The following PIK3AP1 variants were observed in gnomAD, a reference collection of about 807,000 sequenced individuals.
PIK3AP1 encodes the protein phosphoinositide 3-kinase adapter protein 1.
Under a neutral mutation model 88.1 loss-of-function variants are expected in PIK3AP1, and 21 were observed. The ratio of observed to expected loss-of-function variants is 0.24; its 90% CI spans 0.17 to 0.34. PIK3AP1 has a LOEUF of 0.34. Among genes scored for constraint, PIK3AP1 ranks in the 10% least tolerant of loss-of-function variants. The pLI is 1.00. For synonymous variants in PIK3AP1, 398 were observed against 400.0 expected, an observed-to-expected ratio of 1.00 and a Z score of 0.06; for missense variants, 828 against 1,035.7, an observed-to-expected ratio of 0.80 and a Z score of 2.75.
Position 96,676,795 on chromosome 10 carries a change from C to G in PIK3AP1, c.431-19861G>C, listed in dbSNP as rs542129762. Among the ~76,000 whole-genome samples, 3 of 152,188 alleles carry G rather than the reference C, an allele frequency of 2.0e-5. No individual in the cohort carries two copies. In the East Asian group the frequency reaches 5.8e-4, roughly 29 times the overall value. ...GTTGTATCTTCCAGAATAATCATCTCCATTCCACAGGGACTTCTTTTCTAG... is the reference window on the plus strand; with the variant it reads ...GTTGTATCTTCCAGAATAATCATCTGCATTCCACAGGGACTTCTTTTCTAG... On this transcript the variant is annotated intron_variant, in intron 2 of 16. Transcript: ENST00000339364.
At chr10:96,634,442 C>T (rs529608626) in intron 8 of PIK3AP1, among the ~76,000 whole-genome samples, 1 of 152,310 alleles carries the variant, frequency 6.6e-6, no homozygotes, top group East Asian at 1.9e-4. Context: ...CAGTGCAGGT[C>T]GGCATCACGA....
intron 8 of PIK3AP1, among the ~76,000 whole-genome samples, chr10:96,628,893 T>TATATAC (rs1564961270): frequency 5.6e-5 from 3 of 53,426 alleles, no homozygotes; most frequent in Non-Finnish European, 1.2e-4. Flanking sequence ...TATATACATA[T>TATATAC]ATATATATAT....
At chr10:96,612,971 T>C (rs1361251933) in intron 13 of PIK3AP1, among the ~76,000 whole-genome samples, 7 of 117,316 alleles carry the variant, frequency 6.0e-5, no homozygotes, top group Admixed American at 4.6e-4. Context: ...TATATATATA[T>C]ATATATATAT....
intron 16 of PIK3AP1, among the ~76,000 whole-genome samples, chr10:96,600,189 C>A (rs1848863512): frequency 6.6e-6 from 1 of 152,220 alleles, no homozygotes; most frequent in Admixed American, 6.5e-5. Flanking sequence ...AGGTTTGCCA[C>A]ACACAGCAAG....
At chr10:96,706,578 A>C (rs991173342) in intron 2 of PIK3AP1, among the ~76,000 whole-genome samples, 1 of 152,360 alleles carries the variant, frequency 6.6e-6, no homozygotes. Context: ...ACAGATTTTT[A>C]GCCTTGGGAA....
At chr10:96,685,508 G>T (rs995123763) in intron 2 of PIK3AP1, among the ~76,000 whole-genome samples, 1 of 152,216 alleles carries the variant, frequency 6.6e-6, no homozygotes, top group African/African-American at 2.4e-5. Flanking sequence ...GAAGGTGGTG[G>T]CAAGGAAAGA....
chr10:96,624,736 G>A (rs1026134148), intron 10 of PIK3AP1, among the ~76,000 whole-genome samples: 6 of 151,908 alleles, frequency 3.9e-5, no homozygotes, highest in African/African-American at 1.2e-4. Context: ...CAAGAGCTGA[G>A]AGATGAACCC....
intron 2 of PIK3AP1, among the ~76,000 whole-genome samples, chr10:96,708,870 C>T (rs1011179113): frequency 1.8e-4 from 27 of 152,020 alleles, no homozygotes; most frequent in Non-Finnish European, 3.2e-4. Context: ...GAGGCTCATG[C>T]CTGTAGGCCC....
chr10:96,624,815 C>T (rs1307523776), intron 10 of PIK3AP1, among the ~76,000 whole-genome samples: 1 of 152,196 alleles, frequency 6.6e-6, no homozygotes, highest in Admixed American at 6.5e-5. Flanking sequence ...TTCGCTTCTC[C>T]ACAGTTTCCT....
chr10:96,656,743 C>T, intron 3 of PIK3AP1, 55 bp downstream of exon 3: 1 of 1,600,910 alleles, frequency 6.2e-7, no homozygotes, highest in Non-Finnish European at 8.5e-7. Context: ...CAAATGCATG[C>T]ATTTGAAAAG....
intron 2 of PIK3AP1, among the ~76,000 whole-genome samples, chr10:96,700,286 T>C (rs1416527305): frequency 6.6e-6 from 1 of 152,042 alleles, no homozygotes; most frequent in Non-Finnish European, 1.5e-5. Flanking sequence ...CTCTCGGCTT[T>C]GCAGGAAAAC....
At chr10:96,605,886 C>T (rs544759234) in intron 14 of PIK3AP1, among the ~76,000 whole-genome samples, 7 of 152,262 alleles carry the variant, frequency 4.6e-5, no homozygotes, top group South Asian at 2.1e-4. Flanking sequence ...CAGTTTAAGA[C>T]CAGCCTGGCC....
rs1337333629 is a variant in PIK3AP1 at position 96,595,456 on chromosome 10, G to T, written c.*121C>A. Reference sequence around the variant, plus strand: ...AACCAGCAGGGCTGCAGCATTATCAGCAATGAGAATGGATCTTAAGGTCAA... The same window carrying T: ...AACCAGCAGGGCTGCAGCATTATCATCAATGAGAATGGATCTTAAGGTCAA... On this transcript the variant is annotated 3_prime_UTR_variant, in exon 17 of 17. Coordinates refer to ENST00000339364, the MANE Select transcript of PIK3AP1 (RefSeq NM_152309.3). 1.9e-6 allele frequency: 2 copies of T among 1,079,252 alleles called. No homozygotes were observed. The highest frequency in any genetic ancestry group is 2.4e-5 in the East Asian group (1 of 41,132). 66.9% of individuals were successfully genotyped at this position (1,079,252 alleles called of 1,614,324 possible).
intron 2 of PIK3AP1, among the ~76,000 whole-genome samples, chr10:96,663,268 G>GA (rs1235299752): frequency 6.6e-6 from 1 of 151,884 alleles, no homozygotes; most frequent in East Asian, 1.9e-4. Flanking sequence ...GTGAATATAC[G>GA]AAAAAAACAT....
At chr10:96,713,380 T>C (rs1844462622) in intron 1 of PIK3AP1, among the ~76,000 whole-genome samples, 1 of 151,358 alleles carries the variant, frequency 6.6e-6, no homozygotes, top group African/African-American at 2.4e-5. Flanking sequence ...GGCAGGCACC[T>C]GTAGTCCCAG....
chr10:96,684,598 G>T lies in PIK3AP1; in HGVS notation c.430+24969C>A, dbSNP rs935551233. On this transcript the variant is annotated intron_variant, in intron 2 of 16. Coordinates refer to ENST00000339364, the MANE Select transcript of PIK3AP1 (RefSeq NM_152309.3). ...ACTGAGTTACTGGAGAGAGTTTGCA[G>T]AAATAATCAGAAAGAACATCCCAGT... 2.9e-4 allele frequency among the ~76,000 whole-genome samples: 44 copies of T among 152,338 alleles called. 1 individual carries two copies. Among genetic ancestry groups the T allele is most frequent in the Admixed American group, 1.2e-3 (19 of 15,296 alleles).
At chr10:96,648,077 G>A (rs371985003) in intron 7 of PIK3AP1, among the ~76,000 whole-genome samples, 7 of 152,178 alleles carry the variant, frequency 4.6e-5, no homozygotes, top group Non-Finnish European at 7.4e-5. Context: ...AAGAGAGAGC[G>A]AGGCTGTCAG....
chr10:96,606,617 T>C (rs1333393745), intron 14 of PIK3AP1, among the ~76,000 whole-genome samples: 1 of 152,184 alleles, frequency 6.6e-6, no homozygotes, highest in Non-Finnish European at 1.5e-5. Flanking sequence ...TGGCCCTAGC[T>C]CCCATCATCT....
intron 15 of PIK3AP1, 58 bp downstream of exon 15, chr10:96,603,921 C>T: frequency 7.0e-7 from 1 of 1,431,748 alleles, no homozygotes; most frequent in Non-Finnish European, 9.5e-7. Flanking sequence ...GGGTTTCTAT[C>T]TCTTGCGATG....
Sources: allele counts gnomAD v4.1 joint callset (sites outside exome capture counted in the v4.1 genomes callset), GRCh38; gene constraint gnomAD v4.1.1; transcripts MANE v1.5; gene names NCBI Gene and HGNC (gene_info 2026-07-23, HGNC 2026-07-21).